Variants in GNG4 observed in about 807,000 individuals in gnomAD.
GNG4 encodes the protein guanine nucleotide-binding protein G(I)/G(S)/G(O) subunit gamma-4.
GNG4 carries 4 observed loss-of-function variants against 5.8 expected under a neutral mutation model. The observed-to-expected ratio is 0.69, with a 90% confidence interval of 0.34 to 1.57. The LOEUF (loss-of-function observed/expected upper bound fraction) is 1.57. GNG4 is among the 40% of genes most tolerant of loss of function. GNG4 has a pLI of 0.06. For synonymous variants in GNG4, 29 were observed against 32.9 expected (o/e 0.88, Z 0.41); for missense variants, 96 against 95.1 (o/e 1.01, Z -0.04).
At chr1:235,565,813 A>G (rs1384620836) in intron 3 of GNG4, 3 of 152,244 alleles carry the variant, frequency 2.0e-5, no homozygotes, top group African/African-American at 7.2e-5. Context: ...TAGACTGCCC[A>G]GTCGTTCCTA....
intron 2 of GNG4, among the ~76,000 whole-genome samples, chr1:235,593,585 G>A (rs184097585): frequency 6.6e-6 from 1 of 152,244 alleles, no homozygotes; most frequent in Non-Finnish European, 1.5e-5. Flanking sequence ...CCCGCGCCGT[G>A]AGTGTTACAA....
At chr1:235,582,754 C>T (rs148883135) in intron 3 of GNG4, among the ~76,000 whole-genome samples, 45 of 152,276 alleles carry the variant, frequency 3.0e-4, no homozygotes, top group African/African-American at 1.0e-3. Context: ...AACATGGGTC[C>T]GGTGATACTG....
intron 1 of GNG4, among the ~76,000 whole-genome samples, chr1:235,632,578 T>A (rs890613662): frequency 6.6e-6 from 1 of 152,264 alleles, no homozygotes; most frequent in African/African-American, 2.4e-5. Context: ...CTTTTAATCC[T>A]ATTTCTATTT....
intron 2 of GNG4, among the ~76,000 whole-genome samples, chr1:235,586,160 T>C (rs1687753917): frequency 6.6e-6 from 1 of 152,250 alleles, no homozygotes; most frequent in Non-Finnish European, 1.5e-5. Context: ...AATAGATGTG[T>C]GTCCTTATCT....
chr1:235,579,549 C>T (rs1416873192), intron 3 of GNG4, among the ~76,000 whole-genome samples: 2 of 151,998 alleles, frequency 1.3e-5, no homozygotes. Context: ...CGTGACAGTT[C>T]CTCCAAAGGC....
chr1:235,576,594 G>A (rs964062116), intron 3 of GNG4, among the ~76,000 whole-genome samples: 3 of 152,106 alleles, frequency 2.0e-5, no homozygotes, highest in Non-Finnish European at 4.4e-5. Context: ...GCGACAACCT[G>A]GAGGACATTA....
At chr1:235,626,212 T>C (rs1239153505) in intron 1 of GNG4, among the ~76,000 whole-genome samples, 1 of 152,240 alleles carries the variant, frequency 6.6e-6, no homozygotes, top group Admixed American at 6.5e-5. Context: ...AATGCCATCT[T>C]TGTATCTTTG....
At chr1:235,563,705 T>C (rs1687127196) in intron 3 of GNG4, among the ~76,000 whole-genome samples, 1 of 152,230 alleles carries the variant, frequency 6.6e-6, no homozygotes, top group South Asian at 2.1e-4. Context: ...CACATGTGAC[T>C]TTGTTTCTGT....
intron 2 of GNG4, among the ~76,000 whole-genome samples, chr1:235,592,844 G>C (rs1457541968): frequency 6.6e-6 from 1 of 152,102 alleles, no homozygotes; most frequent in Non-Finnish European, 1.5e-5. Flanking sequence ...CTCCTTGCTT[G>C]GTGCCCAGCA....
intron 3 of GNG4, among the ~76,000 whole-genome samples, chr1:235,570,860 A>ATGTG (rs756211268): frequency 4.6e-4 from 42 of 92,012 alleles, no homozygotes; most frequent in African/African-American, 8.0e-4. Flanking sequence ...TTATATATAT[A>ATGTG]TATGTGTGTG....
chr1:235,646,169 A>T (rs927166219), intron 1 of GNG4, among the ~76,000 whole-genome samples: 1 of 152,218 alleles, frequency 6.6e-6, no homozygotes, highest in Admixed American at 6.5e-5. Context: ...CAACCCAGCA[A>T]CTCAGAGAGA....
intron 2 of GNG4, chr1:235,589,022 C>T (rs1337393491): frequency 6.6e-6 from 1 of 152,264 alleles, no homozygotes; most frequent in Non-Finnish European, 1.5e-5. Flanking sequence ...GCTGTAAGGC[C>T]AGAGCACGCG....
Position 235,648,664 on chromosome 1 carries a change from G to A in GNG4, c.-123+998C>T, listed in dbSNP as rs937792206. Reference sequence around the variant, plus strand: ...ACACCTCACTCATGAGCAGACGACAGGACTGGCACGTTTTAATGGAGCACA... The same window carrying A: ...ACACCTCACTCATGAGCAGACGACAAGACTGGCACGTTTTAATGGAGCACA... On this transcript the variant is annotated intron_variant, in intron 1 of 3. Coordinates refer to ENST00000391854, the MANE Select transcript of GNG4 (RefSeq NM_001098722.2). The surrounding 1 kb of genome is among the most constrained non-coding windows in gnomAD (Gnocchi z 5.0). 2.0e-5 allele frequency among the ~76,000 whole-genome samples: 3 copies of A among 152,240 alleles called. No homozygotes were observed. Among genetic ancestry groups the A allele is most frequent in the African/African-American group, 7.2e-5 (3 of 41,472 alleles).
chr1:235,617,510 G>A (rs944719203), intron 1 of GNG4, among the ~76,000 whole-genome samples: 5 of 152,194 alleles, frequency 3.3e-5, no homozygotes, highest in African/African-American at 1.2e-4. Flanking sequence ...GGTCAACACT[G>A]ACAGAATGGA....
intron 1 of GNG4, among the ~76,000 whole-genome samples, chr1:235,603,812 G>T (rs1688303587): frequency 6.6e-6 from 1 of 152,180 alleles, no homozygotes; most frequent in Non-Finnish European, 1.5e-5. Context: ...CGACGCTGGG[G>T]CCTGCTGGTC....
intron 3 of GNG4, among the ~76,000 whole-genome samples, chr1:235,559,074 T>C (rs1426415784): frequency 6.6e-6 from 1 of 152,240 alleles, no homozygotes; most frequent in Non-Finnish European, 1.5e-5. Context: ...TGACACCCAC[T>C]GCATTTATCC....
rs568123963 is a variant in GNG4, at chr1:235,605,121, C to A, written c.-122-9610G>T. ...GAGAACCCCATATCATTCATTCATTCATTAAACACATACTATGTCAGGCAT... is the reference window on the plus strand; with the variant it reads ...GAGAACCCCATATCATTCATTCATTAATTAAACACATACTATGTCAGGCAT... On this transcript the variant is annotated intron_variant, in intron 1 of 3. Coordinates refer to ENST00000391854, the MANE Select transcript of GNG4 (RefSeq NM_001098722.2). Among the ~76,000 whole-genome samples, 3 of 151,816 alleles carry A rather than the reference C, an allele frequency of 2.0e-5. No homozygotes were observed. The South Asian group carries it at 6.3e-4, about 32-fold the overall frequency.
Position 235,558,279 on chromosome 1 carries a change from A to G in GNG4, c.100-6042T>C, listed in dbSNP as rs564789312. The stretch of plus-strand genomic sequence containing the variant: ...GAATGGCCCACTTACGCACAGCTGC[A>G]TCTAATACAGCATAAGTCATCTTAC... On this transcript the variant is annotated intron_variant, in intron 3 of 3. Coordinates refer to ENST00000391854, the MANE Select transcript of GNG4 (RefSeq NM_001098722.2). Among the ~76,000 whole-genome samples the G allele has an allele frequency of 4.6e-5, 7 of 152,350 alleles. No homozygotes were observed. The South Asian group carries it at 1.4e-3, about 32-fold the overall frequency.
At position 235,616,791 on chromosome 1, in the gene GNG4, T is replaced by G. The variant is rs189959710; in HGVS notation, c.-122-21280A>C. Reference sequence around the variant, plus strand: ...ATTTGCTCTGTCACCCAGGCCGGAGTGCAGTGGCACGATGTCAGCTCACTG... The same window carrying G: ...ATTTGCTCTGTCACCCAGGCCGGAGGGCAGTGGCACGATGTCAGCTCACTG... On this transcript the variant is annotated intron_variant, in intron 1 of 3. Transcript: ENST00000391854. Among the ~76,000 whole-genome samples the G allele has an allele frequency of 2.4e-4, 37 of 152,000 alleles. No homozygotes were observed. In the East Asian group the frequency reaches 6.6e-3, roughly 27 times the overall value.
Sources: gnomAD v4.1 joint callset for allele counts (sites outside exome capture counted in the v4.1 genomes callset) on GRCh38, gnomAD v4.1.1 for gene constraint, Gnocchi (gnomAD v3.1) non-coding constraint, MANE v1.5 for transcripts, NCBI Gene and HGNC (gene_info 2026-07-23, HGNC 2026-07-21) for gene names.